The following MIOS variants were observed in gnomAD, a reference collection of about 807,000 sequenced individuals.
MIOS encodes meiosis regulator for oocyte development, also known as GATOR2 complex protein MIOS.
In MIOS, 52 loss-of-function variants were observed where a neutral mutation model predicts 96.9. The ratio of observed to expected loss-of-function variants is 0.54; its 90% confidence interval spans 0.43 to 0.68. The LOEUF (loss-of-function observed/expected upper bound fraction) is 0.68, where lower values mean the gene tolerates loss of function less well. Among genes scored for constraint, MIOS ranks in the 30% least tolerant of loss-of-function variants. The probability of loss-of-function intolerance (pLI) is 0.00; values close to 1 mark genes in which losing one functional copy is unlikely to be tolerated. For synonymous variants in MIOS, 397 were observed against 359.5 expected (o/e 1.10, Z -1.18); for missense variants, 1,005 against 1,052.8 (o/e 0.95, Z 0.63).
chr7:7,582,403 T>C (rs1783759490), intron 5 of MIOS, among the ~76,000 whole-genome samples: 1 of 152,156 alleles, frequency 6.6e-6, no homozygotes, highest in South Asian at 2.1e-4. Context: ...CTAAGTATCA[T>C]CCTAAGTGAA....
At chr7:7,597,123 A>C (rs1403536708) in intron 11 of MIOS, among the ~76,000 whole-genome samples, 1 of 152,014 alleles carries the variant, frequency 6.6e-6, no homozygotes, top group Non-Finnish European at 1.5e-5. Flanking sequence ...TCAGAAGATC[A>C]AGACCATCCT....
At chr7:7,576,797 G>A (rs952147486) in intron 5 of MIOS, among the ~76,000 whole-genome samples, 7 of 152,144 alleles carry the variant, frequency 4.6e-5, no homozygotes, top group Non-Finnish European at 8.8e-5. Flanking sequence ...CCTTACCAAG[G>A]TTAGTAGCAG....
chr7:7,604,456 A>C (rs1784469412), intron 11 of MIOS, among the ~76,000 whole-genome samples: 1 of 152,188 alleles, frequency 6.6e-6, no homozygotes, highest in African/African-American at 2.4e-5. Context: ...TTATTCAACA[A>C]ATGTTTATTT....
chr7:7,572,437 G>C lies in MIOS; in HGVS notation c.-39G>C, dbSNP rs1783385853. The C allele has an allele frequency of 6.9e-7, 1 of 1,449,616 alleles. No homozygotes were observed. The allele number at this position is 1,449,616 out of a possible 1,614,324, so 89.8% of individuals were successfully genotyped here. A position where few individuals can be genotyped will look rare whatever the true frequency, so the allele number is the denominator to read the frequency against. Reference sequence around the variant, plus strand: ...CTTTTTATTTTTAAACATTTTCAGTGAATGGACCTGAGTGGACCCTTTGAT... The same window carrying C: ...CTTTTTATTTTTAAACATTTTCAGTCAATGGACCTGAGTGGACCCTTTGAT... On this transcript the variant is annotated splice_region_variant and 5_prime_UTR_variant, in exon 4 of 13. Coordinates refer to ENST00000340080, the MANE Select transcript of MIOS (RefSeq NM_019005.4). The surrounding 1 kb of genome is among the most constrained non-coding windows in gnomAD (Gnocchi z 4.8).
chr7:7,572,909 G>C lies in MIOS; in HGVS notation c.434G>C (p.Trp145Ser). 6.2e-7 allele frequency: 1 copy of C among 1,614,126 alleles called. No homozygotes were observed. Among genetic ancestry groups the C allele is most frequent in the Non-Finnish European group, 8.5e-7 (1 of 1,180,008 alleles). The change falls in exon 4 of 13, where the codon TGG (tryptophan) becomes TCG (serine). Residue 145 changes from tryptophan (W) to serine (S), a missense_variant. By Grantham distance (177) the Trp-to-Ser change is radical. Coordinates refer to ENST00000340080, the MANE Select transcript of MIOS (RefSeq NM_019005.4). The surrounding 1 kb of genome is among the most constrained non-coding windows in gnomAD (Gnocchi z 4.8). ...AGAGCTGACTTTTCAGTGCTAATAT[G>C]GGATATCTGCAGCAAATATACTCCT... ...KHRADFSVLI[W>S]DICSKYTPDI...
At chr7:7,570,756 G>A (rs933316500) in intron 3 of MIOS, among the ~76,000 whole-genome samples, 1 of 152,124 alleles carries the variant, frequency 6.6e-6, no homozygotes, top group African/African-American at 2.4e-5. Flanking sequence ...AACTAATGCT[G>A]CTATTGATCT....
At position 7,607,384 on chromosome 7, in the gene MIOS, C is replaced by CGT. The variant is rs1245220943; in HGVS notation, c.*292_*293insGT. 1 of 202,008 alleles carries CGT rather than the reference C, an allele frequency of 5.0e-6. No individual in the cohort carries two copies. Among genetic ancestry groups the CGT allele is most frequent in the African/African-American group, 2.3e-5 (1 of 42,932 alleles). 12.5% of individuals were successfully genotyped at this position (202,008 alleles called of 1,614,324 possible). On this transcript the variant is annotated 3_prime_UTR_variant, in exon 13 of 13. Transcript: ENST00000340080. ...GTTGAAATTATGAACACTCTAGAAG[C>CGT]AGAATTTCTGGAAGAGCCAAGAACA...
intron 5 of MIOS, among the ~76,000 whole-genome samples, chr7:7,577,142 G>A (rs1392522181): frequency 6.6e-6 from 1 of 152,124 alleles, no homozygotes; most frequent in African/African-American, 2.4e-5. Flanking sequence ...TGGCTTAAAG[G>A]AGACTGAGGC....
chr7:7,569,271 T>G (rs1430316092), intron 3 of MIOS, among the ~76,000 whole-genome samples: 2 of 152,186 alleles, frequency 1.3e-5, no homozygotes, highest in Non-Finnish European at 2.9e-5. Flanking sequence ...ATTTTGAAAC[T>G]CTTTTTAAGG....
At position 7,585,641 on chromosome 7, in the gene MIOS, C is replaced by G. The variant is rs1441257489; in HGVS notation, c.1654C>G (p.Leu552Val). The G allele has an allele frequency of 1.3e-6, 2 of 1,581,040 alleles. No homozygotes were observed. Among genetic ancestry groups the G allele is most frequent in the Non-Finnish European group, 1.7e-6 (2 of 1,164,700 alleles). The change falls in exon 7 of 13, where the codon CTG becomes GTG. Residue 552 changes from leucine (L) to valine (V), a missense_variant. Coordinates refer to ENST00000340080, the MANE Select transcript of MIOS (RefSeq NM_019005.4). ...TGGCTGTTTTTAATATGCAGGAGAT[C>G]TGAATCTCAATGTGGTAGCAATGGC... ...NEGASSEKGD[L>V]NLNVVAMALS...
At chr7:7,592,056 C>A (rs1195323200) in intron 9 of MIOS, among the ~76,000 whole-genome samples, 2 of 151,712 alleles carry the variant, frequency 1.3e-5, no homozygotes, top group African/African-American at 4.8e-5. Flanking sequence ...TATTGGCTCA[C>A]TGCAACCTCC....
chr7:7,573,353 T>C lies in MIOS; in HGVS notation c.878T>C (p.Ile293Thr). ...LATLTRDSNI[I>T]RLYDMQHTPT... ...ACTTTAACAAGGGATAGTAATATTA[T>C]TAGATTGTATGATATGCAGCATACA... Residue 293 changes from isoleucine to threonine, a missense_variant, in exon 4 of 13, where the codon ATT becomes ACT. Ile to Thr is a moderately conservative substitution (Grantham distance 89, BLOSUM62 -1). Transcript: ENST00000340080. This position sits in a 1 kb window ranked among gnomAD's most constrained non-coding sequence, Gnocchi z 5.0. 6.2e-7 allele frequency: 1 copy of C among 1,614,094 alleles called. No homozygotes were observed. Among genetic ancestry groups the C allele is most frequent in the Non-Finnish European group, 8.5e-7 (1 of 1,179,960 alleles).
chr7:7,607,179 C>A lies in MIOS; in HGVS notation c.*87C>A. On this transcript the variant is annotated 3_prime_UTR_variant, in exon 13 of 13. Transcript: ENST00000340080. The stretch of plus-strand genomic sequence containing the variant: ...CTCAGAAACATACCTCAGAACAAGC[C>A]ATTCATGACTTACCTGTAATGGGAA... 2.1e-6 allele frequency: 2 copies of A among 938,972 alleles called. No homozygotes were observed. The highest frequency in any genetic ancestry group is 3.3e-6 in the Non-Finnish European group (2 of 615,028). 58.2% of individuals were successfully genotyped at this position (938,972 alleles called of 1,614,324 possible).
rs371418563 is a variant in MIOS at position 7,575,114 on chromosome 7, A to T, written c.1393+918A>T. On this transcript the variant is annotated intron_variant, in intron 5 of 12. Coordinates refer to ENST00000340080, the MANE Select transcript of MIOS (RefSeq NM_019005.4). ...CTCTGTGATCTAGGATTCGTTCTCT[A>T]ACTTTTGGTAAGTCAAATTTGGGCC... Among the ~76,000 whole-genome samples, 63 of 152,200 alleles carry T rather than the reference A, an allele frequency of 4.1e-4. No homozygotes were observed. In the South Asian group the frequency reaches 0.011, roughly 28 times the overall value.
Position 7,574,302 on chromosome 7 carries a change from A to G in MIOS, c.1393+106A>G, listed in dbSNP as rs1783456173. The G allele has an allele frequency of 1.1e-5, 9 of 801,984 alleles. No individual in the cohort carries two copies. The East Asian group carries it at 1.2e-4, about 10-fold the overall frequency. The allele number at this position is 801,984 out of a possible 1,614,324, so 49.7% of individuals were successfully genotyped here. On this transcript the variant is annotated intron_variant, in intron 5 of 12. Coordinates refer to ENST00000340080, the MANE Select transcript of MIOS (RefSeq NM_019005.4). ...TTATCTAGTTATTTCAGGATCATGT[A>G]CATAATTTTTTTTGTTTTCTGATTG... is the stretch of plus-strand genomic sequence containing the variant.
rs1486733422 is a variant in MIOS at position 7,572,554 on chromosome 7, C to CT, written c.82dup (p.Tyr28LeufsTer20). ...TGTTGTGTGTGACTCAGAACTAAGT[C>CT]TTTATCATGTGGAATCTACTGTGAA... On this transcript the variant is annotated frameshift_variant, in exon 4 of 13. Transcript: ENST00000340080. LOFTEE classifies it high-confidence loss of function. The surrounding 1 kb of genome is among the most constrained non-coding windows in gnomAD (Gnocchi z 4.8). 1.2e-6 allele frequency: 2 copies of CT among 1,613,952 alleles called. No individual in the cohort carries two copies. The highest frequency in any genetic ancestry group is 1.3e-5 in the African/African-American group (1 of 74,910).
intron 5 of MIOS, 107 bp from the exon 6 acceptor site, chr7:7,583,011 C>G (rs146528853): frequency 1.6e-6 from 2 of 1,222,704 alleles, no homozygotes; most frequent in Non-Finnish European, 2.2e-6. Flanking sequence ...AAATTATGGC[C>G]GAGAAGTTAA....
chr7:7,574,563 A>G (rs1783465726), intron 5 of MIOS, among the ~76,000 whole-genome samples: 1 of 152,128 alleles, frequency 6.6e-6, no homozygotes, highest in Admixed American at 6.5e-5. Context: ...AACTAAAAAG[A>G]TCTCTAATTG....
At chr7:7,589,306 TG>T in intron 8 of MIOS, 98 bp from the exon 9 acceptor site, 1 of 1,029,986 alleles carries the variant, frequency 9.7e-7, no homozygotes, top group Non-Finnish European at 1.4e-6. Context: ...TGTTTTAAAA[TG>T]TTTTCCATTA....
Sources: gnomAD v4.1 joint callset for allele counts (sites outside exome capture counted in the v4.1 genomes callset) on GRCh38, gnomAD v4.1.1 for gene constraint, Gnocchi (gnomAD v3.1) non-coding constraint, MANE v1.5 for transcripts, NCBI Gene and HGNC (gene_info 2026-07-23, HGNC 2026-07-21) for gene names.